The following MUC5AC variants were observed in gnomAD, a reference collection of about 807,000 sequenced individuals.
MUC5AC encodes the protein mucin 5AC, oligomeric mucus/gel-forming.
Under a neutral mutation model 169.7 loss-of-function variants are expected in MUC5AC, and 158 were observed. The ratio of observed to expected loss-of-function variants is 0.93; its 90% CI spans 0.82 to 1.06. The LOEUF (loss-of-function observed/expected upper bound fraction) is 1.06. Ranked by LOEUF, MUC5AC falls within the 50% of genes least tolerant of loss-of-function variation. The probability of loss-of-function intolerance (pLI) is 0.00; values close to 1 mark genes in which losing one functional copy is unlikely to be tolerated. For missense variants in MUC5AC, 4,359 were observed against 3,089.9 expected (o/e 1.41, Z -9.74); for synonymous variants, 1,975 against 1,237.0 (o/e 1.60, Z -12.52).
chr11:1,164,177 C>T lies in MUC5AC; in HGVS notation c.861C>T (p.Tyr287=). 6.2e-7 allele frequency: 1 copy of T among 1,612,570 alleles called. No individual in the cohort carries two copies. Among genetic ancestry groups the T allele is most frequent in the South Asian group, 1.1e-5 (1 of 91,088 alleles). ...GCVALVDVGS[Y]LEACRQDLCF... ...TGGCCCTGGTGGACGTCGGCAGCTA[C>T]CTGGAGGCTTGCAGGCAAGACCTCT... Residue 287 remains tyrosine (Y), a synonymous_variant, in exon 8 of 49, where the codon TAC becomes TAT. Transcript: ENST00000621226.
In MUC5AC at chr11:1,188,030, C is replaced by A; in HGVS notation, c.9885C>A (p.Gly3295=). ...GQVVQCSREE[G]LVCRNQDQQG... is the part of the protein sequence containing the mutation. ...TGGTGCAGTGCAGCCGTGAAGAGGG[C>A]CTGGTGTGCCGGAACCAGGACCAGC... The change falls in exon 31 of 49, where the codon GGC becomes GGA. Residue 3295 remains glycine, a synonymous_variant. Coordinates refer to ENST00000621226, the MANE Select transcript of MUC5AC (RefSeq NM_001304359.2). The A allele has an allele frequency of 1.3e-6, 1 of 757,490 alleles. No homozygotes were observed. The highest frequency in any genetic ancestry group is 2.4e-5 in the East Asian group (1 of 41,232). 46.9% of individuals were successfully genotyped at this position (757,490 alleles called of 1,614,324 possible).
chr11:1,158,292 C>G (rs1182980034), intron 1 of MUC5AC, among the ~76,000 whole-genome samples: 1 of 152,232 alleles, frequency 6.6e-6, no homozygotes, highest in Non-Finnish European at 1.5e-5. Context: ...GAGGCTGGGC[C>G]ATTCCCTGAG....
At position 1,175,264 on chromosome 11, in the gene MUC5AC, G is replaced by C; in HGVS notation, c.2395G>C (p.Ala799Pro). 4 of 398,630 alleles carry C rather than the reference G, an allele frequency of 1.0e-5. No individual in the cohort carries two copies. The highest frequency in any genetic ancestry group is 1.8e-5 in the Non-Finnish European group (4 of 226,082). 24.7% of individuals were successfully genotyped at this position (398,630 alleles called of 1,614,324 possible). ...GAGCTGCATCGGAGGCCAAGCCCCCGCCCCAGGTGAGTGCCAGAAAGGAGG... is the reference window on the plus strand; with the variant it reads ...GAGCTGCATCGGAGGCCAAGCCCCCCCCCCAGGTGAGTGCCAGAAAGGAGG... ...KLSCIGGQAP[A>P]PVCAAPMVFF... Residue 799 changes from alanine to proline, a missense_variant, in exon 19 of 49, where the codon GCC (alanine) becomes CCC (proline). Physicochemically the swap from Ala to Pro is conservative, Grantham distance 27. Transcript: ENST00000621226.
chr11:1,174,668 C>A, intron 17 of MUC5AC, 46 bp downstream of exon 17: 1 of 783,096 alleles, frequency 1.3e-6, no homozygotes, highest in East Asian at 2.9e-5. Flanking sequence ...TGGGTGGCCG[C>A]GGGTCTTGGG....
chr11:1,173,566 C>T (rs1226925341), intron 16 of MUC5AC, among the ~76,000 whole-genome samples: 1 of 130,312 alleles, frequency 7.7e-6, no homozygotes, highest in Non-Finnish European at 1.5e-5. Context: ...TTCACCTACT[C>T]ATTCATCCAC....
Position 1,185,039 on chromosome 11 carries a change from C to T in MUC5AC, c.6894C>T (p.Ala2298=), listed in dbSNP as rs1295619453. The change falls in exon 31 of 49, where the codon GCC becomes GCT. Residue 2298 remains alanine, a synonymous_variant. Transcript: ENST00000621226. ...CCAGAACAACCTCTGCCTCTCCAGCCAGCACAACCTCTGGTCCTGGAAATA... is the reference window on the plus strand; with the variant it reads ...CCAGAACAACCTCTGCCTCTCCAGCTAGCACAACCTCTGGTCCTGGAAATA... ...PTTRTTSASP[A]STTSGPGNTP... is the part of the protein sequence containing the mutation. 1 of 699,834 alleles carries T rather than the reference C, an allele frequency of 1.4e-6. No individual in the cohort carries two copies. The highest frequency in any genetic ancestry group is 2.0e-5 in the Admixed American group (1 of 50,494). 43.4% of individuals were successfully genotyped at this position (699,834 alleles called of 1,614,324 possible).
At position 1,200,372 on chromosome 11, in the gene MUC5AC, G is replaced by A. The variant is rs376138354; in HGVS notation, c.16701-66G>A. The A allele has an allele frequency of 1.2e-4, 77 of 625,908 alleles. 1 individual carries two copies. The highest frequency in any genetic ancestry group is 3.1e-4 in the African/African-American group (17 of 55,434). 38.8% of individuals were successfully genotyped at this position (625,908 alleles called of 1,614,324 possible). ...GATGAGGCCGCCCAGAGCTCGGCAC[G>A]GCGCCGGCTTACGGCAGGAGGCTGG... is the stretch of plus-strand genomic sequence containing the variant. On this transcript the variant is annotated intron_variant, in intron 48 of 48. Transcript: ENST00000621226.
At chr11:1,198,085 C>T in intron 42 of MUC5AC, 81 bp downstream of exon 42, 1 of 643,668 alleles carries the variant, frequency 1.6e-6, no homozygotes, top group Non-Finnish European at 2.8e-6. Flanking sequence ...TAACCAGATG[C>T]CAGTGCGGCT....
At position 1,200,881 on chromosome 11, in the gene MUC5AC, G is replaced by A; in HGVS notation, c.*179G>A. 1 of 503,128 alleles carries A rather than the reference G, an allele frequency of 2.0e-6. No individual in the cohort carries two copies. The highest frequency in any genetic ancestry group is 3.5e-6 in the Non-Finnish European group (1 of 283,370). The allele number at this position is 503,128 out of a possible 1,614,324, so 31.2% of individuals were successfully genotyped here. On this transcript the variant is annotated 3_prime_UTR_variant, in exon 49 of 49. Coordinates refer to ENST00000621226, the MANE Select transcript of MUC5AC (RefSeq NM_001304359.2). ...GGGTCACCTGCTGCCTGGAGGAGGG[G>A]CCCTTACCCACCCCGCCTGCAGCCA...
intron 41 of MUC5AC, 84 bp downstream of exon 41, chr11:1,197,723 G>A (rs1175633769): frequency 3.1e-6 from 2 of 637,074 alleles, no homozygotes; most frequent in Non-Finnish European, 2.9e-6. Context: ...TGCTGCCTTG[G>A]GGCGTGCACC....
At position 1,194,993 on chromosome 11, in the gene MUC5AC, C is replaced by T; in HGVS notation, c.15191-19C>T. On this transcript the variant is annotated intron_variant, in intron 35 of 48. Coordinates refer to ENST00000621226, the MANE Select transcript of MUC5AC (RefSeq NM_001304359.2). ...CGGCTCTGCTGTCCAGCAGCCTGACCCCCACCGCGTCTGCCCAGGCACTTG... is the reference window on the plus strand; with the variant it reads ...CGGCTCTGCTGTCCAGCAGCCTGACTCCCACCGCGTCTGCCCAGGCACTTG... 1 of 712,308 alleles carries T rather than the reference C, an allele frequency of 1.4e-6. No individual in the cohort carries two copies. The highest frequency in any genetic ancestry group is 2.6e-6 in the Non-Finnish European group (1 of 388,376). 44.1% of individuals were successfully genotyped at this position (712,308 alleles called of 1,614,324 possible).
Position 1,162,148 on chromosome 11 carries a change from CGTCCTG to C in MUC5AC, c.457_462del (p.Leu153_Val154del). The C allele has an allele frequency of 6.2e-7, 1 of 1,611,402 alleles. No homozygotes were observed. Among genetic ancestry groups the C allele is most frequent in the Non-Finnish European group, 8.5e-7 (1 of 1,178,936 alleles). On this transcript the variant is annotated inframe_deletion, in exon 4 of 49. Transcript: ENST00000621226. ...TGGTCATCCAGCTGACCAAGGGCTC[CGTCCTG>C]GTCAACGGCCACCCGTGAGTCTGGG... is the stretch of plus-strand genomic sequence containing the variant.
rs1440450283 is a variant in MUC5AC at position 1,192,232 on chromosome 11, G to C, written c.14087G>C (p.Ser4696Thr). 3 of 765,128 alleles carry C rather than the reference G, an allele frequency of 3.9e-6. No individual in the cohort carries two copies. Among genetic ancestry groups the C allele is most frequent in the Non-Finnish European group, 7.2e-6 (3 of 417,914 alleles). The allele number at this position is 765,128 out of a possible 1,614,324, so 47.4% of individuals were successfully genotyped here. The stretch of plus-strand genomic sequence containing the variant: ...CACCTGGGTCAGGTGGTGCAGTGCA[G>C]CCGTGAAGAGGGCCTGGTGTGCCGG... ...IEHLGQVVQC[S>T]REEGLVCRNQ... Residue 4696 changes from serine to threonine, a missense_variant, in exon 31 of 49, where the codon AGC (serine) becomes ACC (threonine). Ser to Thr is a moderately conservative substitution (Grantham distance 58). Transcript: ENST00000621226.
chr11:1,194,354 A>G lies in MUC5AC; in HGVS notation c.15000A>G (p.Thr5000=), dbSNP rs1132433. Residue 5000 remains threonine (T), a synonymous_variant, in exon 34 of 49, where the codon ACA becomes ACG. Transcript: ENST00000621226. Reference sequence around the variant, plus strand: ...GCAAGCCAGTCCACGGGGTGATGACAAACGAGGTGGGGGCGCGCCCGGTGT... The same window carrying G: ...GCAAGCCAGTCCACGGGGTGATGACGAACGAGGTGGGGGCGCGCCCGGTGT... ...LTRKPVHGVM[T]NEIIFNNKVV... 0.42 allele frequency: 307,612 copies of G among 726,658 alleles called. 67,665 individuals are homozygous for G. Among genetic ancestry groups the G allele is most frequent in the African/African-American group, 0.66 (38,651 of 58,218 alleles). 45.0% of individuals were successfully genotyped at this position (726,658 alleles called of 1,614,324 possible). A position where few individuals can be genotyped will look rare whatever the true frequency, so the allele number is the denominator to read the frequency against.
intron 1 of MUC5AC, among the ~76,000 whole-genome samples, chr11:1,159,554 TGTGCGGGGCTGTGCGGGGCTGTGC>T (rs1860068321): frequency 0.57 from 16,349 of 28,856 alleles, 6,877 homozygotes; most frequent in East Asian, 0.69. Flanking sequence ...TGTGCGGGGC[TGTGCGGGGCTGTGCGGGGCTGTGC>T]GGGGCTGTGC....
In MUC5AC at chr11:1,178,603, G is replaced by T; in HGVS notation, c.3247G>T (p.Ala1083Ser). Residue 1083 changes from alanine (A) to serine (S), a missense_variant, in exon 25 of 49, where the codon GCC becomes TCC. Physicochemically the swap from Ala to Ser is moderately conservative, Grantham distance 99. Transcript: ENST00000621226. ...CCTGGCGCCCAAGGACCCCTGCACG[G>T]CCAACCCCTTCCGCAAGTCCTGGGC... Reference protein sequence around the residue: ...DALAPKDPCTANPFRKSWAQK... With the variant: ...DALAPKDPCTSNPFRKSWAQK... The T allele has an allele frequency of 7.1e-7, 1 of 1,408,120 alleles. No homozygotes were observed. Among genetic ancestry groups the T allele is most frequent in the Non-Finnish European group, 9.3e-7 (1 of 1,069,896 alleles). The allele number at this position is 1,408,120 out of a possible 1,614,324, so 87.2% of individuals were successfully genotyped here. A position where few individuals can be genotyped will look rare whatever the true frequency, so the allele number is the denominator to read the frequency against.
chr11:1,195,748 G>A (rs1054016321), intron 36 of MUC5AC, 128 bp from the exon 37 acceptor site: 2 of 585,576 alleles, frequency 3.4e-6, no homozygotes, highest in Non-Finnish European at 3.1e-6. Flanking sequence ...ACAGGAGGGC[G>A]GCCACACACC....
chr11:1,195,817 G>A (rs544498228), intron 36 of MUC5AC, 59 bp from the exon 37 acceptor site: 14 of 737,742 alleles, frequency 1.9e-5, no homozygotes, highest in African/African-American at 1.5e-4. Context: ...GGAGCCTGAC[G>A]TGGAGCAGGC....
Position 1,187,997 on chromosome 11 carries a change from G to A in MUC5AC, c.9852G>A (p.Leu3284=), listed in dbSNP as rs1860995796. The A allele has an allele frequency of 5.3e-6, 4 of 759,982 alleles. No individual in the cohort carries two copies. The highest frequency in any genetic ancestry group is 9.6e-6 in the Non-Finnish European group (4 of 414,554). The allele number at this position is 759,982 out of a possible 1,614,324, so 47.1% of individuals were successfully genotyped here. A position where few individuals can be genotyped will look rare whatever the true frequency, so the allele number is the denominator to read the frequency against. ...ESHPEVSIEH[L]GQVVQCSREE... is the part of the protein sequence containing the mutation. ...ACCCGGAGGTGAGCATTGAACACCT[G>A]GGCCAGGTGGTGCAGTGCAGCCGTG... Residue 3284 remains leucine, a synonymous_variant, in exon 31 of 49, where the codon CTG becomes CTA. Transcript: ENST00000621226.
Sources: gnomAD v4.1 joint callset for allele counts (sites outside exome capture counted in the v4.1 genomes callset) on GRCh38, gnomAD v4.1.1 for gene constraint, MANE v1.5 for transcripts, NCBI Gene and HGNC (gene_info 2026-07-23, HGNC 2026-07-21) for gene names.